Variants in MACROD1 observed in about 807,000 individuals in gnomAD.
MACROD1 encodes the protein ADP-ribose glycohydrolase MACROD1.
In MACROD1, 31 loss-of-function variants were observed where a neutral mutation model predicts 41.4. The ratio of observed to expected loss-of-function variants is 0.75; its 90% CI spans 0.56 to 1.01. MACROD1 has a LOEUF of 1.01. Among genes scored for constraint, MACROD1 ranks in the 50% least tolerant of loss-of-function variants. MACROD1 has a pLI of 0.00. For synonymous variants in MACROD1, 252 were observed against 203.4 expected, an observed-to-expected ratio of 1.24 and a Z score of -2.03; for missense variants, 473 against 460.0, an observed-to-expected ratio of 1.03 and a Z score of -0.26.
In MACROD1 at chr11:63,999,672, G is replaced by C; in HGVS notation, c.756C>G (p.Asp252Glu). Reference sequence around the variant, plus strand: ...AGCGGAGCCGGTGCTCCAGCAGCAGGTCCAGACTGCTCAGGTAGCAGCTGC... The same window carrying C: ...AGCGGAGCCGGTGCTCCAGCAGCAGCTCCAGACTGCTCAGGTAGCAGCTGC... ...ELRSCYLSSL[D>E]LLLEHRLRSV... The change falls in exon 6 of 11, where the codon GAC (aspartate) becomes GAG (glutamate). Residue 252 changes from aspartate (D) to glutamate (E), a missense_variant. By Grantham distance (45) the Asp-to-Glu change is conservative. Transcript: ENST00000255681. 1 of 1,609,576 alleles carries C rather than the reference G, an allele frequency of 6.2e-7. No individual in the cohort carries two copies. Among genetic ancestry groups the C allele is most frequent in the Non-Finnish European group, 8.5e-7 (1 of 1,179,158 alleles).
chr11:64,060,686 G>GTTCATTCATTCATTCA (rs10611075), intron 3 of MACROD1: 1 of 151,646 alleles, frequency 6.6e-6, no homozygotes, highest in Non-Finnish European at 1.5e-5. Flanking sequence ...TAGTTCATTC[G>GTTCATTCATTCATTCA]TTCATTCATT....
chr11:64,062,958 G>A (rs1943932591), intron 3 of MACROD1, among the ~76,000 whole-genome samples: 1 of 152,222 alleles, frequency 6.6e-6, no homozygotes, highest in Admixed American at 6.5e-5. Flanking sequence ...AGCATGGCCT[G>A]GGGCTGGGAC....
At chr11:64,151,423 CA>C (rs749192329) in intron 2 of MACROD1, 68 bp from the exon 3 acceptor site, 3 of 1,172,260 alleles carry the variant, frequency 2.6e-6, no homozygotes, top group Non-Finnish European at 3.8e-6. Flanking sequence ...AGCCAGGGCC[CA>C]GGGGCCAGGG....
intron 3 of MACROD1, among the ~76,000 whole-genome samples, chr11:64,095,815 G>T (rs1399087214): frequency 6.6e-6 from 1 of 152,204 alleles, no homozygotes; most frequent in Non-Finnish European, 1.5e-5. Context: ...GCCAAGAGGG[G>T]CTCCAAGTCA....
At chr11:64,151,855 G>T (rs949708738) in intron 2 of MACROD1, among the ~76,000 whole-genome samples, 3 of 152,318 alleles carry the variant, frequency 2.0e-5, no homozygotes, top group East Asian at 1.9e-4. Flanking sequence ...ATGGCCAGGC[G>T]CAGTTGCTGA....
At chr11:64,049,923 G>T (rs140844269) in intron 3 of MACROD1, among the ~76,000 whole-genome samples, 10 of 152,330 alleles carry the variant, frequency 6.6e-5, no homozygotes, top group East Asian at 1.9e-4. Context: ...GTGGCCCCGG[G>T]GGGGAGGCCA....
At chr11:64,084,369 G>T (rs1380877391) in intron 3 of MACROD1, among the ~76,000 whole-genome samples, 1 of 152,092 alleles carries the variant, frequency 6.6e-6, no homozygotes, top group Non-Finnish European at 1.5e-5. Flanking sequence ...CTCTGCCCAC[G>T]TGCATTTCCT....
intron 3 of MACROD1, among the ~76,000 whole-genome samples, chr11:64,149,429 C>T (rs1421140843): frequency 6.6e-6 from 1 of 152,166 alleles, no homozygotes; most frequent in Non-Finnish European, 1.5e-5. Flanking sequence ...GGAGCTGGCA[C>T]TAAACCGCTT....
chr11:64,046,341 A>G (rs1406198365), intron 3 of MACROD1, among the ~76,000 whole-genome samples: 1 of 152,210 alleles, frequency 6.6e-6, no homozygotes, highest in African/African-American at 2.4e-5. Context: ...ATGAGGAAAC[A>G]GAGGCTTACA....
rs1182356586 is a variant in MACROD1 at position 64,113,867 on chromosome 11, G to GATAC, written c.517+37368_517+37371dup. Among the ~76,000 whole-genome samples, 338 of 132,998 alleles carry GATAC rather than the reference G, an allele frequency of 2.5e-3. 2 individuals are homozygous for GATAC. The highest frequency in any genetic ancestry group is 5.8e-3 in the Admixed American group (74 of 12,674). 87.3% of individuals were successfully genotyped at this position (132,998 alleles called of 152,430 possible). On this transcript the variant is annotated intron_variant, in intron 3 of 10. Transcript: ENST00000255681. Reference sequence around the variant, plus strand: ...GGATGGACAGCTGGATGTATGGATTGATACATGGATGGATGGATGGATGGA... The same window carrying GATAC: ...GGATGGACAGCTGGATGTATGGATTGATACATACATGGATGGATGGATGGATGGA...
chr11:64,149,857 T>C (rs2246552), intron 3 of MACROD1, among the ~76,000 whole-genome samples: 145,651 of 152,334 alleles, frequency 0.96, 69,968 homozygotes, highest in Middle Eastern at 1. Flanking sequence ...GCCGCTGTAA[T>C]GTCTGCCAAC....
At chr11:64,143,598 C>T (rs758403469) in intron 3 of MACROD1, among the ~76,000 whole-genome samples, 31 of 152,156 alleles carry the variant, frequency 2.0e-4, no homozygotes, top group Middle Eastern at 3.4e-3. Flanking sequence ...TTTTTTACAA[C>T]GACCCCTCCC....
At chr11:64,077,429 T>G (rs1015569118) in intron 3 of MACROD1, among the ~76,000 whole-genome samples, 1 of 152,012 alleles carries the variant, frequency 6.6e-6, no homozygotes, top group Non-Finnish European at 1.5e-5. Flanking sequence ...CCTCGGATTT[T>G]CCCCCCAAGC....
chr11:64,032,280 G>A (rs990026570), intron 3 of MACROD1, among the ~76,000 whole-genome samples: 2 of 152,186 alleles, frequency 1.3e-5, no homozygotes, highest in Non-Finnish European at 2.9e-5. Flanking sequence ...CACTGTATAC[G>A]AAGCACTTTC....
intron 3 of MACROD1, among the ~76,000 whole-genome samples, chr11:64,113,865 T>C (rs1272570845): frequency 7.2e-6 from 1 of 138,958 alleles, no homozygotes; most frequent in African/African-American, 2.7e-5. Flanking sequence ...GATGTATGGA[T>C]TGATACATGG....
intron 3 of MACROD1, among the ~76,000 whole-genome samples, chr11:64,115,350 C>T (rs985313691): frequency 7.9e-5 from 12 of 151,904 alleles, no homozygotes; most frequent in Admixed American, 1.3e-4. Flanking sequence ...TTTTATTTGT[C>T]TCATTCCTTT....
At position 64,055,094 on chromosome 11, in the gene MACROD1, C is replaced by T. The variant is rs370372264; in HGVS notation, c.518-39813G>A. Among the ~76,000 whole-genome samples, 36 of 152,292 alleles carry T rather than the reference C, an allele frequency of 2.4e-4. 2 individuals carry two copies. In the East Asian group the frequency reaches 6.0e-3, roughly 25 times the overall value. ...CCCCCCAGCCTGGTCCAGAAGGTGA[C>T]CCTCATCACCGCCAACCTGTGTGTC... On this transcript the variant is annotated intron_variant, in intron 3 of 10. Coordinates refer to ENST00000255681, the MANE Select transcript of MACROD1 (RefSeq NM_014067.4).
chr11:64,051,271 G>A (rs1015197262), intron 3 of MACROD1, among the ~76,000 whole-genome samples: 11 of 152,238 alleles, frequency 7.2e-5, no homozygotes, highest in Non-Finnish European at 1.3e-4. Flanking sequence ...CAGGGGAGGG[G>A]AGGGGCTGGT....
chr11:64,162,891 C>T (rs1407835478), intron 1 of MACROD1, among the ~76,000 whole-genome samples: 3 of 151,950 alleles, frequency 2.0e-5, no homozygotes, highest in Non-Finnish European at 2.9e-5. Flanking sequence ...GAGGCCGAGA[C>T]GGGCAGATCA....
Sources: allele counts gnomAD v4.1 joint callset (sites outside exome capture counted in the v4.1 genomes callset), GRCh38; gene constraint gnomAD v4.1.1; transcripts MANE v1.5; gene names NCBI Gene and HGNC (gene_info 2026-07-23, HGNC 2026-07-21).